Variants in NBPF9 observed in about 807,000 individuals in gnomAD.
NBPF9 encodes NBPF family member NBPF9.
A neutral mutation model predicts 97.8 loss-of-function variants in NBPF9; 91 were observed. That is an observed-to-expected ratio of 0.93 (90% CI 0.79 to 1.11). NBPF9 has a LOEUF of 1.11. Ranked by LOEUF, NBPF9 falls within the 50% of genes least tolerant of loss-of-function variation. The pLI is 0.00. For missense variants in NBPF9, 992 were observed against 939.5 expected (o/e 1.06, Z -0.73); for synonymous variants, 334 against 359.5 (o/e 0.93, Z 0.80).
chr1:149,055,983 G>A (rs1158608802), intron 29 of NBPF9, 84 bp from the exon 30 acceptor site: 105 of 1,609,872 alleles, frequency 6.5e-5, no homozygotes, highest in Non-Finnish European at 8.1e-5. Flanking sequence ...GTAACATAAG[G>A]AAGTGGTTAG....
intron 5 of NBPF9, among the ~76,000 whole-genome samples, chr1:149,085,177 C>T (rs2080887840): frequency 6.6e-6 from 1 of 152,046 alleles, no homozygotes; most frequent in Non-Finnish European, 1.5e-5. Flanking sequence ...AGACACCTTC[C>T]CCCACCCATA....
Position 149,077,874 on chromosome 1 carries a change from C to G in NBPF9, c.566+9G>C. 4.4e-6 allele frequency: 7 copies of G among 1,576,466 alleles called. No homozygotes were observed. Among genetic ancestry groups the G allele is most frequent in the Non-Finnish European group, 6.1e-6 (7 of 1,147,844 alleles). On this transcript the variant is annotated intron_variant, in intron 10 of 29. Transcript: ENST00000584027. ...CACCCATTACTTGCTCCTGAGTATT[C>G]AGTGTTACCTGGGGGCAGATGATTC... is the stretch of plus-strand genomic sequence containing the variant.
At chr1:149,098,504 G>A (rs1222253324) in exon 4 of NBPF9, 37 of 1,525,262 alleles carry the variant, frequency 2.4e-5, no homozygotes, top group Admixed American at 4.0e-5. Context: ...CACCGAATGG[G>A]GAAGTTTCTA....
chr1:149,060,287 A>T, intron 24 of NBPF9: 1 of 359,816 alleles, frequency 2.8e-6, no homozygotes. Flanking sequence ...TGTCATGAGG[A>T]TAGGATCAGG....
intron 9 of NBPF9, 151 bp downstream of exon 9, chr1:149,078,856 G>A (rs1553655488): frequency 1.4e-6 from 2 of 1,385,200 alleles, no homozygotes; most frequent in Non-Finnish European, 2.0e-6. Context: ...TCCCATCTCT[G>A]TTCTTACCCA....
exon 30 of NBPF9, chr1:149,055,829 T>G (rs376108642): frequency 5.6e-6 from 9 of 1,605,122 alleles, no homozygotes; most frequent in African/African-American, 1.3e-5. Flanking sequence ...ATTGACGGAG[T>G]AGAATAACAT....
rs1276394372 is a variant in NBPF9 at position 149,097,992 on chromosome 1, C to T, written c.-337+446G>A. ...GCACTGCCTAAAACCACACACATCT[C>T]CCCACCCAGGACAGTGCAGGGCCTT... On this transcript the variant is annotated intron_variant, in intron 4 of 29. Transcript: ENST00000584027. Among the ~76,000 whole-genome samples, 120 of 152,120 alleles carry T rather than the reference C, an allele frequency of 7.9e-4. 4 individuals are homozygous for T. In the East Asian group the frequency reaches 0.023, roughly 29 times the overall value.
chr1:149,072,769 G>C (rs2079519641), exon 14 of NBPF9: 2 of 1,590,356 alleles, frequency 1.3e-6, no homozygotes, highest in Non-Finnish European at 8.6e-7. Context: ...CCCTCAGCCA[G>C]CTGTTCTTGG....
chr1:149,080,757 G>GT (rs1553656492), intron 7 of NBPF9, among the ~76,000 whole-genome samples: 2 of 87,582 alleles, frequency 2.3e-5, no homozygotes, highest in Admixed American at 1.1e-4. Context: ...ATTTAGATTC[G>GT]TTGTGTTAAT....
At chr1:149,067,843 G>T (rs2079129313) in intron 17 of NBPF9, among the ~76,000 whole-genome samples, 1 of 145,476 alleles carries the variant, frequency 6.9e-6, no homozygotes, top group East Asian at 2.7e-4. Flanking sequence ...GGATGGCTGG[G>T]TCAAATGGTA....
chr1:149,068,806 AAATCAACAGAATATACATTCTTCTCAGC>A (rs1489759857), intron 17 of NBPF9, among the ~76,000 whole-genome samples: 1 of 150,056 alleles, frequency 6.7e-6, no homozygotes. Flanking sequence ...TCTCCACCCC[AAATCAACAGAATATACATTCTTCTCAGC>A]ACCACATCAC....
Position 149,060,253 on chromosome 1 carries a change from T to A in NBPF9, c.2476+270A>T, listed in dbSNP as rs1280828183. The stretch of plus-strand genomic sequence containing the variant: ...TGAGTCAAAATCATAGTTCTCTGAA[T>A]TTGTCACATCTGCCCAGGTCCAATG... On this transcript the variant is annotated intron_variant, in intron 24 of 29. Transcript: ENST00000584027. The A allele has an allele frequency of 7.6e-5, 20 of 262,366 alleles. 2 individuals are homozygous for A. In the East Asian group the frequency reaches 8.4e-4, roughly 11 times the overall value. The allele number at this position is 262,366 out of a possible 1,614,324, so 16.3% of individuals were successfully genotyped here.
In NBPF9 at chr1:149,077,436, G is replaced by A. The variant is rs1351981297; in HGVS notation, c.567-17C>T. On this transcript the variant is annotated splice_polypyrimidine_tract_variant and intron_variant, in intron 10 of 29. Coordinates refer to ENST00000584027, the Ensembl canonical transcript of NBPF9. Reference sequence around the variant, plus strand: ...TGCACCTCCCTGATGAGCCAGGTGGGACAGAGATGACAGAAGATTAAACAC... The same window carrying A: ...TGCACCTCCCTGATGAGCCAGGTGGAACAGAGATGACAGAAGATTAAACAC... 1.7e-5 allele frequency: 27 copies of A among 1,606,054 alleles called. 5 individuals carry two copies. Among genetic ancestry groups the A allele is most frequent in the Non-Finnish European group, 2.3e-5 (27 of 1,174,704 alleles).
At chr1:149,064,748 A>T (rs1316390651) in intron 18 of NBPF9, 2 of 614,586 alleles carry the variant, frequency 3.3e-6, no homozygotes, top group East Asian at 2.8e-5. Context: ...CAAATGCGCG[A>T]TTTTTTTCCC....
At chr1:149,064,551 G>T in intron 18 of NBPF9, 69 bp from the exon 19 acceptor site, 2 of 1,081,924 alleles carry the variant, frequency 1.8e-6, no homozygotes, top group Non-Finnish European at 2.8e-6. Flanking sequence ...ACATTCCTCT[G>T]TCCAATCCTA....
intron 15 of NBPF9, among the ~76,000 whole-genome samples, 185 bp from the exon 16 acceptor site, chr1:149,071,324 A>G (rs587759517): frequency 1.3e-5 from 2 of 151,814 alleles, no homozygotes; most frequent in Non-Finnish European, 2.9e-5. Flanking sequence ...TGCCATGGGA[A>G]CCAGAGAGGA....
At position 149,077,502 on chromosome 1, in the gene NBPF9, G is replaced by C. The variant is rs1196476650; in HGVS notation, c.567-83C>G. On this transcript the variant is annotated intron_variant, in intron 10 of 29. Transcript: ENST00000584027. ...CAGGGAGTACTAGCTGGTTTTGACA[G>C]GCGGCATTAAGAGAGTGGTTCCAGA... The C allele has an allele frequency of 2.5e-6, 4 of 1,586,338 alleles. 1 individual carries two copies. In the Admixed American group the frequency reaches 6.7e-5, roughly 27 times the overall value.
chr1:149,055,321 G>A, exon 30 of NBPF9: 4 of 478,046 alleles, frequency 8.4e-6, no homozygotes, highest in Non-Finnish European at 1.5e-5. Context: ...CAATGACCTT[G>A]AGCAGGTATA....
intron 4 of NBPF9, among the ~76,000 whole-genome samples, chr1:149,094,809 C>T (rs1314507687): frequency 7.0e-6 from 1 of 142,026 alleles, no homozygotes; most frequent in Non-Finnish European, 1.5e-5. Context: ...AAATGAGAAA[C>T]ACAGGCTAAC....
Sources: allele counts gnomAD v4.1 joint callset (sites outside exome capture counted in the v4.1 genomes callset), GRCh38; gene constraint gnomAD v4.1.1; transcripts MANE v1.5; gene names NCBI Gene and HGNC (gene_info 2026-07-23, HGNC 2026-07-21).